LMX1A: variants seen among roughly 807,000 people sequenced by gnomAD.
LMX1A encodes the protein LIM homeobox transcription factor 1 alpha.
In LMX1A, 15 loss-of-function variants were observed where a neutral mutation model predicts 49.1. That is an observed-to-expected ratio of 0.31 (90% CI 0.20 to 0.47). The LOEUF (loss-of-function observed/expected upper bound fraction) is 0.47. Ranked by LOEUF, LMX1A falls within the 20% of genes least tolerant of loss-of-function variation. The probability of loss-of-function intolerance (pLI) is 1.00; values close to 1 mark genes in which losing one functional copy is unlikely to be tolerated. For synonymous variants in LMX1A, 167 were observed against 185.7 expected, an observed-to-expected ratio of 0.90 and a Z score of 0.82; for missense variants, 372 against 475.8, an observed-to-expected ratio of 0.78 and a Z score of 2.03.
At chr1:165,326,187 G>A (rs935708589) in intron 3 of LMX1A, among the ~76,000 whole-genome samples, 1 of 152,222 alleles carries the variant, frequency 6.6e-6, no homozygotes, top group Non-Finnish European at 1.5e-5. Flanking sequence ...AGGAGCTAGA[G>A]ACGGGGAGGA....
In LMX1A at chr1:165,279,090, G is replaced by A. The variant is rs183152482; in HGVS notation, c.264-29450C>T. ...AAACTTCTACCACCAGCTGTATATC[G>A]CCTGTGAGCATTCAATACATTTTCC... is the stretch of plus-strand genomic sequence containing the variant. On this transcript the variant is annotated intron_variant, in intron 3 of 8. Coordinates refer to ENST00000342310, the MANE Select transcript of LMX1A (RefSeq NM_177398.4). Among the ~76,000 whole-genome samples, 74 of 152,302 alleles carry A rather than the reference G, an allele frequency of 4.9e-4. No homozygotes were observed. The East Asian group carries it at 0.012, about 24-fold the overall frequency.
intron 3 of LMX1A, among the ~76,000 whole-genome samples, chr1:165,343,724 C>T (rs1656151547): frequency 6.6e-6 from 1 of 151,992 alleles, no homozygotes; most frequent in Non-Finnish European, 1.5e-5. Context: ...GAAAATAAAG[C>T]CCATAAGAAA....
chr1:165,314,952 C>A (rs776409432), intron 3 of LMX1A, among the ~76,000 whole-genome samples: 3 of 152,298 alleles, frequency 2.0e-5, no homozygotes, highest in Middle Eastern at 6.8e-3. Context: ...AACACCAACA[C>A]CCCAGAGGCT....
intron 3 of LMX1A, among the ~76,000 whole-genome samples, chr1:165,267,236 T>A (rs771225771): frequency 6.6e-6 from 1 of 152,240 alleles, no homozygotes; most frequent in Non-Finnish European, 1.5e-5. Context: ...ATATTTTATA[T>A]ACATATAATC....
At chr1:165,227,981 TG>T (rs1350072551) in intron 4 of LMX1A, among the ~76,000 whole-genome samples, 3 of 152,236 alleles carry the variant, frequency 2.0e-5, no homozygotes, top group African/African-American at 7.2e-5. Flanking sequence ...CACATAATGT[TG>T]TAGCAACTGT....
rs267598145 is a variant in LMX1A, at chr1:165,205,946, G to A, written c.906C>T (p.Ile302=). ...GATCTGAGCTGTAGACACTCTGCTC[G>A]ATGGCCAGGAGCTGCTGTGGGGTGG... ...ALPTPQQLLA[I]EQSVYSSDPF... The change falls in exon 8 of 9, where the codon ATC becomes ATT. Residue 302 remains isoleucine, a synonymous_variant. Coordinates refer to ENST00000342310, the MANE Select transcript of LMX1A (RefSeq NM_177398.4). The A allele has an allele frequency of 1.1e-5, 18 of 1,613,730 alleles. No individual in the cohort carries two copies. Among genetic ancestry groups the A allele is most frequent in the South Asian group, 4.4e-5 (4 of 91,042 alleles).
intron 3 of LMX1A, among the ~76,000 whole-genome samples, chr1:165,320,461 T>C (rs1210489150): frequency 6.6e-6 from 1 of 152,236 alleles, no homozygotes; most frequent in East Asian, 1.9e-4. Flanking sequence ...TTGAAGGATA[T>C]TCTGCAAGGC....
At position 165,249,315 on chromosome 1, in the gene LMX1A, G is replaced by C. The variant is rs1020871262; in HGVS notation, c.496+93C>G. The stretch of plus-strand genomic sequence containing the variant: ...CTTGCCATGGAGCTAGGCTGCCCTG[G>C]AGGCTGGCCATCTAGGGAAGAAACA... On this transcript the variant is annotated intron_variant, in intron 4 of 8. Transcript: ENST00000342310. The C allele has an allele frequency of 7.2e-6, 6 of 838,696 alleles. No homozygotes were observed. In the South Asian group the frequency reaches 9.1e-5, roughly 13 times the overall value. The allele number at this position is 838,696 out of a possible 1,614,324, so 52.0% of individuals were successfully genotyped here. A position where few individuals can be genotyped will look rare whatever the true frequency, so the allele number is the denominator to read the frequency against.
intron 3 of LMX1A, among the ~76,000 whole-genome samples, chr1:165,267,289 A>G (rs1433745088): frequency 6.6e-6 from 1 of 152,132 alleles, no homozygotes; most frequent in Non-Finnish European, 1.5e-5. Flanking sequence ...TTCACTTAGC[A>G]CAATGTTTTC....
Position 165,211,522 on chromosome 1 carries a change from A to G in LMX1A, c.670-746T>C, listed in dbSNP as rs1251570182. On this transcript the variant is annotated intron_variant, in intron 5 of 8. Transcript: ENST00000342310. ...ATTTTCAGAGGGGGGCCTGAGAGAC[A>G]CTGACCTCTCTTGATTAGATCCTGG... is the stretch of plus-strand genomic sequence containing the variant. Among the ~76,000 whole-genome samples, 3 of 152,200 alleles carry G rather than the reference A, an allele frequency of 2.0e-5. No individual in the cohort carries two copies. In the East Asian group the frequency reaches 5.8e-4, roughly 29 times the overall value.
chr1:165,286,380 G>A (rs1654305114), intron 3 of LMX1A, among the ~76,000 whole-genome samples: 1 of 152,158 alleles, frequency 6.6e-6, no homozygotes. Flanking sequence ...GAGCCAGGGT[G>A]GGTCTGACAT....
At chr1:165,230,029 G>A (rs936831278) in intron 4 of LMX1A, among the ~76,000 whole-genome samples, 2 of 152,164 alleles carry the variant, frequency 1.3e-5, no homozygotes, top group African/African-American at 4.8e-5. Flanking sequence ...GCTTTTAGTG[G>A]CCTTTTAAAG....
chr1:165,233,151 T>C (rs1652294257), intron 4 of LMX1A, among the ~76,000 whole-genome samples: 1 of 152,218 alleles, frequency 6.6e-6, no homozygotes, highest in South Asian at 2.1e-4. Context: ...ATGGAGACAC[T>C]GGTTTAAAAC....
At chr1:165,280,230 G>A (rs980442404) in intron 3 of LMX1A, among the ~76,000 whole-genome samples, 1 of 152,150 alleles carries the variant, frequency 6.6e-6, no homozygotes, top group African/African-American at 2.4e-5. Context: ...CCGTTTTTCC[G>A]TGCTGCTCCC....
chr1:165,349,585 G>C (rs1003673462), intron 3 of LMX1A, among the ~76,000 whole-genome samples: 5 of 151,872 alleles, frequency 3.3e-5, no homozygotes, highest in African/African-American at 1.2e-4. Context: ...CTATACATTA[G>C]TAAATCAGTG....
chr1:165,335,961 A>G (rs553859854), intron 3 of LMX1A, among the ~76,000 whole-genome samples: 35 of 152,224 alleles, frequency 2.3e-4, no homozygotes, highest in African/African-American at 7.5e-4. Context: ...ATGAGAATAA[A>G]ATTGCCCACG....
At chr1:165,250,615 G>A (rs1653022920) in intron 3 of LMX1A, among the ~76,000 whole-genome samples, 1 of 152,198 alleles carries the variant, frequency 6.6e-6, no homozygotes, top group Non-Finnish European at 1.5e-5. Flanking sequence ...ACAACAGTTA[G>A]ACTATCTATT....
chr1:165,212,511 T>C (rs1651449323), intron 5 of LMX1A, among the ~76,000 whole-genome samples: 1 of 62,434 alleles, frequency 1.6e-5, no homozygotes, highest in Non-Finnish European at 3.1e-5. Flanking sequence ...GGTGACTTTT[T>C]GTTTGTTTTT....
At chr1:165,260,936 T>C (rs1458475028) in intron 3 of LMX1A, among the ~76,000 whole-genome samples, 1 of 152,208 alleles carries the variant, frequency 6.6e-6, no homozygotes, top group Non-Finnish European at 1.5e-5. Flanking sequence ...TGCAATCTTG[T>C]GTAAACATCT....
Sources: gnomAD v4.1 joint callset for allele counts (sites outside exome capture counted in the v4.1 genomes callset) on GRCh38, gnomAD v4.1.1 for gene constraint, MANE v1.5 for transcripts, NCBI Gene and HGNC (gene_info 2026-07-23, HGNC 2026-07-21) for gene names.